RPLP1: variants seen among roughly 807,000 people sequenced by gnomAD.
The protein encoded by RPLP1 is large ribosomal subunit protein P1.
A neutral mutation model predicts 11.6 loss-of-function variants in RPLP1; 4 were observed. The ratio of observed to expected loss-of-function variants is 0.34; its 90% CI spans 0.17 to 0.79. The LOEUF (loss-of-function observed/expected upper bound fraction) is 0.79. RPLP1 is among the 30% of genes least tolerant of loss of function. The pLI, the probability that RPLP1 is intolerant of heterozygous loss-of-function variation, is 0.55. For synonymous variants in RPLP1, 54 were observed against 52.2 expected (o/e 1.03, Z -0.15); for missense variants, 133 against 142.8 (o/e 0.93, Z 0.35).
Position 69,452,921 on chromosome 15 carries a change from C to T in RPLP1, c.-28C>T. ...ATCCGGCGACTAGCACCGCGTCCGG[C>T]AGCGCCAGCCCTACACTCGCCCGCG... is the stretch of plus-strand genomic sequence containing the variant. On this transcript the variant is annotated 5_prime_UTR_variant, in exon 1 of 4. Coordinates refer to ENST00000260379, the MANE Select transcript of RPLP1 (RefSeq NM_001003.3). 6.4e-7 allele frequency: 1 copy of T among 1,560,850 alleles called. No individual in the cohort carries two copies. The highest frequency in any genetic ancestry group is 1.2e-5 in the South Asian group (1 of 84,984).
At position 69,453,323 on chromosome 15, in the gene RPLP1, GTCTC is replaced by G. The variant is rs553656691; in HGVS notation, c.72+308_72+311del. The G allele has an allele frequency of 2.1e-4, 122 of 573,488 alleles. No homozygotes were observed. The South Asian group carries it at 2.5e-3, about 12-fold the overall frequency. The allele number at this position is 573,488 out of a possible 1,614,324, so 35.5% of individuals were successfully genotyped here. A position where few individuals can be genotyped will look rare whatever the true frequency, so the allele number is the denominator to read the frequency against. On this transcript the variant is annotated intron_variant, in intron 1 of 3. Coordinates refer to ENST00000260379, the MANE Select transcript of RPLP1 (RefSeq NM_001003.3). ...GCTTGGGCACCCTGACCCGTGCCTC[GTCTC>G]TCTCAGGGACACTTACTCGGACCTC...
intron 1 of RPLP1, chr15:69,453,269 G>A (rs1166357713): frequency 3.4e-6 from 2 of 582,648 alleles, no homozygotes; most frequent in Non-Finnish European, 6.1e-6. Flanking sequence ...GGCTCCAAGA[G>A]CCTTCGTGTA....
At chr15:69,455,100 G>A (rs1351720640) in intron 2 of RPLP1, 70 bp from the exon 3 acceptor site, 13 of 1,498,356 alleles carry the variant, frequency 8.7e-6, no homozygotes, top group African/African-American at 2.8e-5. Flanking sequence ...GATACTTTTC[G>A]TTTTTGGCTG....
In RPLP1 at chr15:69,455,306, T is replaced by C. The variant is rs1892419083; in HGVS notation, c.265+19T>C. ...GCTCCAGGTAGGAAACATGGAGTTT[T>C]TAGTATTGGGAGGAGTGTAGAGATT... On this transcript the variant is annotated intron_variant, in intron 3 of 3. Coordinates refer to ENST00000260379, the MANE Select transcript of RPLP1 (RefSeq NM_001003.3). 2.6e-6 allele frequency: 4 copies of C among 1,544,456 alleles called. No individual in the cohort carries two copies. In the East Asian group the frequency reaches 9.0e-5, roughly 35 times the overall value.
rs760411129 is a variant in RPLP1, at chr15:69,455,525, T to A, written c.*18T>A. ...TTGACTAAACCTCTTTTATAACATG[T>A]TCAATAAAAAGCTGAACTTTACTGC... On this transcript the variant is annotated 3_prime_UTR_variant, in exon 4 of 4. Coordinates refer to ENST00000260379, the MANE Select transcript of RPLP1 (RefSeq NM_001003.3). The A allele has an allele frequency of 6.4e-7, 1 of 1,573,224 alleles. No individual in the cohort carries two copies. The highest frequency in any genetic ancestry group is 1.7e-5 in the Admixed American group (1 of 57,634).
chr15:69,454,368 C>T (rs1204932921), intron 2 of RPLP1: 1 of 152,512 alleles, frequency 6.6e-6, no homozygotes, highest in Non-Finnish European at 1.5e-5. Context: ...TGCATTAAAC[C>T]TATGGTTTGA....
rs937493641 is a variant in RPLP1, at chr15:69,452,838, C to G, written c.-111C>G. The G allele has an allele frequency of 4.9e-6, 5 of 1,010,636 alleles. No homozygotes were observed. The African/African-American group carries it at 8.0e-5, about 16-fold the overall frequency. The allele number at this position is 1,010,636 out of a possible 1,614,324, so 62.6% of individuals were successfully genotyped here. A position where few individuals can be genotyped will look rare whatever the true frequency, so the allele number is the denominator to read the frequency against. The stretch of plus-strand genomic sequence containing the variant: ...GAGAGCCCCTTTCCTCAGCTGCCGC[C>G]AAGGTGCTCGGTCCTTCCGAGGAAG... On this transcript the variant is annotated 5_prime_UTR_variant, in exon 1 of 4. Coordinates refer to ENST00000260379, the MANE Select transcript of RPLP1 (RefSeq NM_001003.3).
In RPLP1 at chr15:69,453,713, T is replaced by A; in HGVS notation, c.139T>A (p.Phe47Ile). The A allele has an allele frequency of 6.2e-7, 1 of 1,614,156 alleles. No individual in the cohort carries two copies. The highest frequency in any genetic ancestry group is 8.5e-7 in the Non-Finnish European group (1 of 1,180,014). ...VNVEPFWPGLFAKALANVNIG... is the reference protein window; with the variant it reads ...VNVEPFWPGLIAKALANVNIG... ...TGTTGAGCCTTTTTGGCCTGGCTTG[T>A]TTGCAAAGGTAAGGTGATGGTGGCA... is the stretch of plus-strand genomic sequence containing the variant. Residue 47 changes from phenylalanine (F) to isoleucine (I), a missense_variant, in exon 2 of 4, where the codon TTT becomes ATT. Transcript: ENST00000260379.
intron 2 of RPLP1, 35 bp downstream of exon 2, chr15:69,453,756 C>G: frequency 6.2e-7 from 1 of 1,611,250 alleles, no homozygotes; most frequent in Non-Finnish European, 8.5e-7. Context: ...TGTGGTAAGG[C>G]CTGCTGATTT....
chr15:69,455,334 T>C lies in RPLP1; in HGVS notation c.265+47T>C, dbSNP rs201726748. On this transcript the variant is annotated intron_variant, in intron 3 of 3. Transcript: ENST00000260379. ...GTATTGGGAGGAGTGTAGAGATTTTTTAAAAAATAGTATTATAGACAAAAT... is the reference window on the plus strand; with the variant it reads ...GTATTGGGAGGAGTGTAGAGATTTTCTAAAAAATAGTATTATAGACAAAAT... The C allele has an allele frequency of 5.2e-4, 801 of 1,536,482 alleles. 1 individual carries two copies. Among genetic ancestry groups the C allele is most frequent in the African/African-American group, 4.0e-3 (288 of 71,474 alleles).
At chr15:69,453,786 C>A (rs138114416) in intron 2 of RPLP1, 65 bp downstream of exon 2, 3 of 1,544,192 alleles carry the variant, frequency 1.9e-6, no homozygotes, top group South Asian at 2.2e-5. Flanking sequence ...GTTGTACATG[C>A]TAAAGTACCC....
chr15:69,455,564 C>A lies in RPLP1; in HGVS notation c.*57C>A. 2 of 1,344,906 alleles carry A rather than the reference C, an allele frequency of 1.5e-6. No individual in the cohort carries two copies. Among genetic ancestry groups the A allele is most frequent in the East Asian group, 2.4e-5 (1 of 42,464 alleles). The allele number at this position is 1,344,906 out of a possible 1,614,324, so 83.3% of individuals were successfully genotyped here. ...GAACTTTACTGCTGTTGGTCTTGTC[C>A]ATAGTTTTGGAATGTGCTCTGCAAA... On this transcript the variant is annotated 3_prime_UTR_variant, in exon 4 of 4. Coordinates refer to ENST00000260379, the MANE Select transcript of RPLP1 (RefSeq NM_001003.3).
chr15:69,454,766 T>A (rs1369355054), intron 2 of RPLP1: 1 of 153,632 alleles, frequency 6.5e-6, no homozygotes, highest in Non-Finnish European at 1.4e-5. Context: ...ATCAGCTGCC[T>A]CAGGAGGTTC....
At chr15:69,453,062 GGTGA>G (rs1364626102) in intron 1 of RPLP1, 42 bp downstream of exon 1, 1 of 1,513,286 alleles carries the variant, frequency 6.6e-7, no homozygotes, top group East Asian at 2.5e-5. Flanking sequence ...GCCTGTGGGC[GGTGA>G]CTTTCGGCTC....
At chr15:69,453,547 C>A in intron 1 of RPLP1, 100 bp from the exon 2 acceptor site, 2 of 1,269,858 alleles carry the variant, frequency 1.6e-6, no homozygotes, top group African/African-American at 1.5e-5. Context: ...AATATTTGAG[C>A]TGGTTAAACA....
chr15:69,455,337 A>T lies in RPLP1; in HGVS notation c.265+50A>T, dbSNP rs116311376. 1.2e-3 allele frequency: 1,769 copies of T among 1,531,448 alleles called. 13 individuals are homozygous for T. The African/African-American group carries it at 0.021, about 18-fold the overall frequency. 94.9% of individuals were successfully genotyped at this position (1,531,448 alleles called of 1,614,324 possible). On this transcript the variant is annotated intron_variant, in intron 3 of 3. Coordinates refer to ENST00000260379, the MANE Select transcript of RPLP1 (RefSeq NM_001003.3). ...TTGGGAGGAGTGTAGAGATTTTTTA[A>T]AAAATAGTATTATAGACAAAATTGC...
chr15:69,455,813 C>G lies in RPLP1; in HGVS notation c.*306C>G. The stretch of plus-strand genomic sequence containing the variant: ...AAACTTGATGATTATAAGGTGTGTC[C>G]CCTACACTGGGGGTGGAGGGTAATA... On this transcript the variant is annotated 3_prime_UTR_variant, in exon 4 of 4. Transcript: ENST00000260379. 3.1e-6 allele frequency: 1 copy of G among 317,956 alleles called. No individual in the cohort carries two copies. Among genetic ancestry groups the G allele is most frequent in the Middle Eastern group, 1.0e-3 (1 of 998 alleles). 19.7% of individuals were successfully genotyped at this position (317,956 alleles called of 1,614,324 possible). A position where few individuals can be genotyped will look rare whatever the true frequency, so the allele number is the denominator to read the frequency against.
intron 2 of RPLP1, chr15:69,453,942 T>C (rs901448604): frequency 3.5e-6 from 2 of 565,312 alleles, no homozygotes; most frequent in Admixed American, 3.2e-5. Context: ...TCTGAAACCA[T>C]GGTTAAAAAA....
In RPLP1 at chr15:69,452,933, T is replaced by G; in HGVS notation, c.-16T>G. 1 of 1,567,688 alleles carries G rather than the reference T, an allele frequency of 6.4e-7. No individual in the cohort carries two copies. The highest frequency in any genetic ancestry group is 8.6e-7 in the Non-Finnish European group (1 of 1,158,936). Reference sequence around the variant, plus strand: ...GCACCGCGTCCGGCAGCGCCAGCCCTACACTCGCCCGCGCCATGGCCTCTG... The same window carrying G: ...GCACCGCGTCCGGCAGCGCCAGCCCGACACTCGCCCGCGCCATGGCCTCTG... On this transcript the variant is annotated 5_prime_UTR_variant, in exon 1 of 4. Transcript: ENST00000260379.
Sources: allele counts gnomAD v4.1 joint callset, GRCh38; gene constraint gnomAD v4.1.1; transcripts MANE v1.5; gene names NCBI Gene and HGNC (gene_info 2026-07-23, HGNC 2026-07-21).